Variants in SGCD observed in about 807,000 individuals in gnomAD.
SGCD encodes the protein sarcoglycan delta, also known as delta-sarcoglycan.
A neutral mutation model predicts 36.6 loss-of-function variants in SGCD; 18 were observed. The observed-to-expected ratio is 0.49, with a 90% CI of 0.34 to 0.73. The LOEUF is 0.73. Ranked by LOEUF, SGCD falls within the 30% of genes least tolerant of loss-of-function variation. The pLI is 0.01. For missense variants in SGCD, 387 were observed against 346.7 expected, an observed-to-expected ratio of 1.12 and a Z score of -0.92; for synonymous variants, 133 against 130.6, an observed-to-expected ratio of 1.02 and a Z score of -0.12.
intron 1 of SGCD, among the ~76,000 whole-genome samples, chr5:156,092,047 A>C (rs1029450840): frequency 2.0e-5 from 3 of 152,214 alleles, no homozygotes; most frequent in Non-Finnish European, 4.4e-5. Context: ...AGCAATCCCA[A>C]CACTCAGGCT....
chr5:155,838,696 A>G, the SGCD span, among the ~76,000 whole-genome samples: 1 of 151,446 alleles, frequency 6.6e-6, no homozygotes, highest in Non-Finnish European at 1.5e-5. Flanking sequence ...TCTATTTGAC[A>G]TGTAGTATCA....
At chr5:156,371,220 T>C (rs1770370014) in intron 3 of SGCD, among the ~76,000 whole-genome samples, 1 of 152,214 alleles carries the variant, frequency 6.6e-6, no homozygotes, top group Admixed American at 6.5e-5. Context: ...CTTATGTTTG[T>C]ATCATGAAAA....
intron 3 of SGCD, among the ~76,000 whole-genome samples, chr5:156,373,684 A>C (rs13184996): frequency 6.6e-6 from 1 of 152,032 alleles, no homozygotes; most frequent in Admixed American, 6.6e-5. Flanking sequence ...CAGTGCTAAG[A>C]GAAAATGAAC....
chr5:155,966,144 C>T (rs1405268347), intron 1 of SGCD, among the ~76,000 whole-genome samples: 2 of 152,112 alleles, frequency 1.3e-5, no homozygotes, highest in Non-Finnish European at 1.5e-5. Flanking sequence ...GGAAATCCCA[C>T]GTTCTTTACA....
intron 7 of SGCD, among the ~76,000 whole-genome samples, chr5:156,654,755 A>C (rs980452416): frequency 6.6e-6 from 1 of 152,156 alleles, no homozygotes; most frequent in Admixed American, 6.6e-5. Flanking sequence ...TCTTGGTTTC[A>C]AAATAATTTT....
intron 3 of SGCD, among the ~76,000 whole-genome samples, chr5:156,136,634 C>T (rs1305168903): frequency 6.6e-6 from 1 of 152,100 alleles, no homozygotes; most frequent in African/African-American, 2.4e-5. Context: ...AATGTGCACA[C>T]ATAAAGACAG....
rs1162833203 is a variant in SGCD at position 156,760,721 on chromosome 5, G to A, written c.*1331G>A. ...CCCACCTTCATCATCATGCTCCAGG[G>A]TCACCCTGGCCAGCTCTTGTGCTGG... On this transcript the variant is annotated 3_prime_UTR_variant, in exon 9 of 9. Transcript: ENST00000337851. 1.3e-5 allele frequency: 2 copies of A among 152,650 alleles called. No homozygotes were observed. Among genetic ancestry groups the A allele is most frequent in the Admixed American group, 6.5e-5 (1 of 15,270 alleles). 9.5% of individuals were successfully genotyped at this position (152,650 alleles called of 1,614,324 possible). A position where few individuals can be genotyped will look rare whatever the true frequency, so the allele number is the denominator to read the frequency against.
At chr5:155,890,653 T>TAGAA (rs780331018) in intron 1 of SGCD, among the ~76,000 whole-genome samples, 5 of 147,906 alleles carry the variant, frequency 3.4e-5, no homozygotes, top group African/African-American at 1.3e-4. Context: ...GATAGATAGA[T>TAGAA]AGATAGATAG....
At chr5:156,140,298 G>A (rs185021326) in intron 3 of SGCD, among the ~76,000 whole-genome samples, 274 of 152,340 alleles carry the variant, frequency 1.8e-3, no homozygotes, top group Admixed American at 3.7e-3. Flanking sequence ...CCGTATTGCT[G>A]TGAACTGAGC....
intron 3 of SGCD, among the ~76,000 whole-genome samples, chr5:156,227,767 G>A (rs1764895163): frequency 6.6e-6 from 1 of 152,082 alleles, no homozygotes; most frequent in Non-Finnish European, 1.5e-5. Context: ...ACTTTTCGAT[G>A]TAGGCATTTA....
In SGCD at chr5:156,539,981, A is replaced by G. The variant is rs189076925; in HGVS notation, c.294+31279A>G. ...TCATGGAGTCAAAAACCTTCTGAGC[A>G]CCATACAGAACACTAAGTGAATACA... On this transcript the variant is annotated intron_variant, in intron 4 of 8. Coordinates refer to ENST00000337851, the MANE Select transcript of SGCD (RefSeq NM_000337.6). Among the ~76,000 whole-genome samples, 420 of 152,272 alleles carry G rather than the reference A, an allele frequency of 2.8e-3. 3 individuals carry two copies. The highest frequency in any genetic ancestry group is 9.7e-3 in the African/African-American group (404 of 41,582).
At chr5:156,594,619 A>G (rs1165556287) in intron 5 of SGCD, among the ~76,000 whole-genome samples, 1 of 152,200 alleles carries the variant, frequency 6.6e-6, no homozygotes, top group Non-Finnish European at 1.5e-5. Context: ...ACTATTTGAC[A>G]GCAATTTGGT....
At chr5:156,068,090 AATTTTATAT>A (rs1358620701) in intron 1 of SGCD, among the ~76,000 whole-genome samples, 2 of 150,798 alleles carry the variant, frequency 1.3e-5, no homozygotes, top group Admixed American at 6.6e-5. Context: ...ATGTCCCTAG[AATTTTATAT>A]TTTTATTTTT....
intron 3 of SGCD, among the ~76,000 whole-genome samples, chr5:156,362,133 C>T (rs1769828634): frequency 1.3e-5 from 2 of 152,174 alleles, no homozygotes; most frequent in African/African-American, 4.8e-5. Flanking sequence ...GGAACACACA[C>T]CCTAAGTAGG....
rs1011935965 is a variant in SGCD, at chr5:156,508,689, T to C, written c.281T>C (p.Ile94Thr). The change falls in exon 4 of 9, where the codon ATC becomes ACC. Residue 94 changes from isoleucine (I) to threonine (T), a missense_variant. Physicochemically the swap from Ile to Thr is moderately conservative, Grantham distance 89. Transcript: ENST00000337851. The part of the protein sequence containing the change: ...EFLQPLYAKE[I>T]QSRPGNALYF... Reference sequence around the variant, plus strand: ...TTACAACCTCTCTACGCCAAAGAAATCCAGTCCCGACCAGTAAGTTTCTGC... The same window carrying C: ...TTACAACCTCTCTACGCCAAAGAAACCCAGTCCCGACCAGTAAGTTTCTGC... 1 of 1,595,586 alleles carries C rather than the reference T, an allele frequency of 6.3e-7. No homozygotes were observed. Among genetic ancestry groups the C allele is most frequent in the African/African-American group, 1.3e-5 (1 of 74,496 alleles).
intron 3 of SGCD, among the ~76,000 whole-genome samples, chr5:156,153,377 T>G (rs1462894934): frequency 6.6e-6 from 1 of 151,626 alleles, no homozygotes; most frequent in African/African-American, 2.4e-5. Context: ...AAAAACTGCA[T>G]TTGCATTTTC....
the SGCD span, among the ~76,000 whole-genome samples, chr5:155,728,575 C>A: frequency 3.3e-5 from 5 of 152,338 alleles, 1 homozygote; most frequent in South Asian, 1.0e-3. Context: ...CTCTAAGCAG[C>A]GCGATGCTGC....
In SGCD at chr5:156,023,301, T is replaced by C. The variant is rs1157371200; in HGVS notation, c.-281-94577T>C. Among the ~76,000 whole-genome samples the C allele has an allele frequency of 2.6e-5, 4 of 151,896 alleles. No individual in the cohort carries two copies. In the East Asian group the frequency reaches 7.8e-4, roughly 30 times the overall value. On this transcript the variant is annotated intron_variant, in intron 1 of 9. Coordinates refer to the SGCD transcript ENST00000517913. ...TACAAATGATTCTTTGGGGGCTTTA[T>C]ACCTTGTCTTCCACATGAAAATTGT...
At chr5:155,852,140 A>G in the SGCD span, among the ~76,000 whole-genome samples, 1 of 152,204 alleles carries the variant, frequency 6.6e-6, no homozygotes, top group African/African-American at 2.4e-5. Flanking sequence ...ATCAACATTG[A>G]TATAAAAAAA....
Sources: gnomAD v4.1 joint callset for allele counts (sites outside exome capture counted in the v4.1 genomes callset) on GRCh38, gnomAD v4.1.1 for gene constraint, MANE v1.5 for transcripts, NCBI Gene and HGNC (gene_info 2026-07-23, HGNC 2026-07-21) for gene names.